The following LY96 variants were observed in gnomAD, a reference collection of about 807,000 sequenced individuals.
LY96 encodes myeloid differentiation protein-2.
A neutral mutation model predicts 18.9 loss-of-function variants in LY96; 18 were observed. The observed-to-expected ratio is 0.95, with a 90% CI of 0.66 to 1.41. The LOEUF is 1.41. Ranked by LOEUF, LY96 falls within the 40% of genes most tolerant of loss-of-function variation. The probability of loss-of-function intolerance (pLI) is 0.00; values close to 1 mark genes in which losing one functional copy is unlikely to be tolerated. For missense variants in LY96, 175 were observed against 182.4 expected (o/e 0.96, Z 0.23); for synonymous variants, 66 against 62.6 (o/e 1.06, Z -0.26).
chr8:74,013,622 A>G (rs369370474), intron 3 of LY96, among the ~76,000 whole-genome samples: 4 of 152,066 alleles, frequency 2.6e-5, no homozygotes, highest in Non-Finnish European at 5.9e-5. Flanking sequence ...GGGTCTCACT[A>G]TGTTGCCCAG....
At chr8:74,030,507 G>A (rs1252338883), downstream of LY96, among the ~76,000 whole-genome samples, 1 of 152,194 alleles carries the variant, frequency 6.6e-6, no homozygotes, top group African/African-American at 2.4e-5. Context: ...AGTGTTTTTG[G>A]TGAAGTTTAT....
At chr8:74,004,537 G>A (rs1196368008) in intron 1 of LY96, among the ~76,000 whole-genome samples, 2 of 152,176 alleles carry the variant, frequency 1.3e-5, no homozygotes, top group African/African-American at 4.8e-5. Context: ...GCATGCAGGA[G>A]TCTTTCAATT....
the LY96 span, among the ~76,000 whole-genome samples, chr8:74,041,115 T>A: frequency 1.3e-5 from 2 of 152,308 alleles, no homozygotes; most frequent in Admixed American, 1.3e-4. Context: ...AATATGGACA[T>A]ATATCAGTTC....
chr8:74,025,036 A>G (rs192896815), intron 3 of LY96, among the ~76,000 whole-genome samples: 17 of 152,296 alleles, frequency 1.1e-4, no homozygotes, highest in African/African-American at 4.1e-4. Flanking sequence ...CATGTTGCCC[A>G]GGCTGGTCTT....
At chr8:74,007,214 G>A (rs2131265388) in intron 2 of LY96, among the ~76,000 whole-genome samples, 1 of 152,308 alleles carries the variant, frequency 6.6e-6, no homozygotes, top group Non-Finnish European at 1.5e-5. Context: ...GCCTACGAGA[G>A]GGTGGCCTCT....
chr8:74,099,155 T>C, the LY96 span, among the ~76,000 whole-genome samples: 1 of 152,206 alleles, frequency 6.6e-6, no homozygotes, highest in Non-Finnish European at 1.5e-5. Flanking sequence ...TACTTCCTGA[T>C]ATAACTATTG....
chr8:74,050,638 ATT>A, the LY96 span, among the ~76,000 whole-genome samples: 3 of 152,146 alleles, frequency 2.0e-5, no homozygotes, highest in Non-Finnish European at 4.4e-5. Flanking sequence ...TTGTTTTCAT[ATT>A]GTTGCTAATT....
chr8:74,030,283 C>T (rs374971483), downstream of LY96, among the ~76,000 whole-genome samples: 9 of 152,214 alleles, frequency 5.9e-5, no homozygotes, highest in South Asian at 2.1e-4. Context: ...GAGGCTGAGG[C>T]GGGCAGATCA....
chr8:74,091,971 G>A, the LY96 span, among the ~76,000 whole-genome samples: 243 of 152,266 alleles, frequency 1.6e-3, 7 homozygotes, highest in South Asian at 0.041. Flanking sequence ...AGCAGGACAC[G>A]CTTTCTGTCC....
chr8:74,043,279 G>C, the LY96 span, among the ~76,000 whole-genome samples: 1 of 152,240 alleles, frequency 6.6e-6, no homozygotes, highest in East Asian at 1.9e-4. Context: ...GCTAGCTGAA[G>C]TGATTCTCAG....
At chr8:74,059,122 G>A in the LY96 span, among the ~76,000 whole-genome samples, 4 of 152,150 alleles carry the variant, frequency 2.6e-5, no homozygotes, top group Non-Finnish European at 5.9e-5. Context: ...AACCTCTTCT[G>A]GAAACACCCT....
the LY96 span, among the ~76,000 whole-genome samples, chr8:74,049,148 C>T: frequency 1.3e-5 from 2 of 152,178 alleles, no homozygotes; most frequent in African/African-American, 4.8e-5. Flanking sequence ...AGAGCAGGAA[C>T]CGTATGTGTT....
chr8:74,071,468 C>A, the LY96 span, among the ~76,000 whole-genome samples: 2 of 150,192 alleles, frequency 1.3e-5, no homozygotes, highest in Admixed American at 6.6e-5. Flanking sequence ...CTCCAGAATG[C>A]CTTTTGTAAT....
rs546548601 is a variant in LY96 at position 74,006,560 on chromosome 8, T to G, written c.202+1675T>G. Among the ~76,000 whole-genome samples the G allele has an allele frequency of 5.3e-5, 8 of 152,134 alleles. No individual in the cohort carries two copies. The East Asian group carries it at 1.5e-3, about 29-fold the overall frequency. On this transcript the variant is annotated intron_variant, in intron 2 of 4. Transcript: ENST00000284818. The stretch of plus-strand genomic sequence containing the variant: ...GCAATAGGAGAGACAGAACTGCAGA[T>G]AGTATGGTATAAGTGAAGTGACAGC...
the LY96 span, among the ~76,000 whole-genome samples, chr8:74,089,376 C>T: frequency 1.4e-4 from 21 of 152,156 alleles, no homozygotes; most frequent in South Asian, 2.1e-4. Flanking sequence ...ATTTGGTCAC[C>T]GAGAGCATTA....
rs561501411 is a variant in LY96, at chr8:74,011,480, T to C, written c.331+1351T>C. Among the ~76,000 whole-genome samples, 11 of 152,288 alleles carry C rather than the reference T, an allele frequency of 7.2e-5. No homozygotes were observed. In the South Asian group the frequency reaches 1.9e-3, roughly 26 times the overall value. ...TATATGAGAAAAAATTCGCAAACTATTCATCCAACAGGGGACTAATATTCA... is the reference window on the plus strand; with the variant it reads ...TATATGAGAAAAAATTCGCAAACTACTCATCCAACAGGGGACTAATATTCA... On this transcript the variant is annotated intron_variant, in intron 3 of 4. Coordinates refer to ENST00000284818, the MANE Select transcript of LY96 (RefSeq NM_015364.5).
At chr8:74,051,963 G>C in the LY96 span, among the ~76,000 whole-genome samples, 1 of 151,488 alleles carries the variant, frequency 6.6e-6, no homozygotes, top group Non-Finnish European at 1.5e-5. Flanking sequence ...TCCTGTGTGA[G>C]TAAAATTTAT....
the LY96 span, among the ~76,000 whole-genome samples, chr8:74,086,736 C>A: frequency 3.9e-5 from 6 of 152,190 alleles, no homozygotes; most frequent in Non-Finnish European, 8.8e-5. Context: ...AGACGTGGGG[C>A]CCTTGGGAGG....
intron 1 of LY96, among the ~76,000 whole-genome samples, chr8:73,998,551 C>T (rs1419285937): frequency 2.0e-5 from 3 of 152,018 alleles, no homozygotes; most frequent in Non-Finnish European, 2.9e-5. Context: ...GGTGTGGTGG[C>T]ATGCACCTGT....
Sources: allele counts gnomAD v4.1 joint callset (sites outside exome capture counted in the v4.1 genomes callset), GRCh38; gene constraint gnomAD v4.1.1; transcripts MANE v1.5; gene names NCBI Gene and HGNC (gene_info 2026-07-23, HGNC 2026-07-21).